Variants in CREB5 observed in about 807,000 individuals in gnomAD.
CREB5 encodes cAMP responsive element binding protein 5, also known as cyclic AMP-responsive element-binding protein 5.
CREB5 carries 19 observed loss-of-function variants against 57.1 expected under a neutral mutation model. That is an observed-to-expected ratio of 0.33 (90% CI 0.23 to 0.49). The LOEUF is 0.49. Among genes scored for constraint, CREB5 ranks in the 20% least tolerant of loss-of-function variants. The probability of loss-of-function intolerance (pLI) is 0.99; values close to 1 mark genes in which losing one functional copy is unlikely to be tolerated. For missense variants in CREB5, 579 were observed against 671.6 expected (o/e 0.86, Z 1.52); for synonymous variants, 238 against 238.3 (o/e 1.00, Z 0.01).
At chr7:28,495,298 G>A (rs540178136) in intron 3 of CREB5, among the ~76,000 whole-genome samples, 1 of 152,224 alleles carries the variant, frequency 6.6e-6, no homozygotes, top group African/African-American at 2.4e-5. Flanking sequence ...AGCAGTTTGG[G>A]AGGCTGAGGT....
chr7:28,416,164 T>C (rs73295193), intron 1 of CREB5, among the ~76,000 whole-genome samples: 3,495 of 152,322 alleles, frequency 0.023, 159 homozygotes, highest in African/African-American at 0.079. Context: ...ACCCACAGGT[T>C]TCCTCTCCAG....
At chr7:28,486,150 T>C (rs184450331) in intron 1 of CREB5, among the ~76,000 whole-genome samples, 1 of 152,156 alleles carries the variant, frequency 6.6e-6, no homozygotes, top group East Asian at 1.9e-4. Context: ...TGAGAAATAG[T>C]GGTTTGAATA....
At chr7:28,536,618 A>C (rs142992322) in intron 4 of CREB5, among the ~76,000 whole-genome samples, 2 of 152,350 alleles carry the variant, frequency 1.3e-5, no homozygotes, top group East Asian at 3.9e-4. Flanking sequence ...TCCAGGCAAG[A>C]GCCGGTCATC....
chr7:28,555,162 C>T lies in CREB5; in HGVS notation c.292-15203C>T, dbSNP rs1029638537. 3.4e-5 allele frequency among the ~76,000 whole-genome samples: 5 copies of T among 145,114 alleles called. No homozygotes were observed. The South Asian group carries it at 1.1e-3, about 32-fold the overall frequency. ...CTTCCTGCATATGGGTTTACCTAAA[C>T]CTTTATCAAACATGGTGGTGTGCAA... On this transcript the variant is annotated intron_variant, in intron 4 of 10. Transcript: ENST00000357727.
intron 4 of CREB5, among the ~76,000 whole-genome samples, chr7:28,542,926 T>G (rs1794262446): frequency 6.6e-6 from 1 of 152,228 alleles, no homozygotes. Flanking sequence ...GTCTCCAAGC[T>G]GCACCCTGAT....
At position 28,524,392 on chromosome 7, in the gene CREB5, C is replaced by G. The variant is rs796921633; in HGVS notation, c.291+16655C>G. On this transcript the variant is annotated intron_variant, in intron 4 of 10. Transcript: ENST00000357727. ...TGTGGTGGCACACATCTAATCCCAC[C>G]TAATCAGGAGGCTGAGGCAGGAGAA... Among the ~76,000 whole-genome samples the G allele has an allele frequency of 6.6e-5, 10 of 151,268 alleles. 1 individual carries two copies. Among genetic ancestry groups the G allele is most frequent in the African/African-American group, 2.4e-4 (10 of 41,256 alleles).
chr7:28,629,952 A>G (rs930464913), intron 5 of CREB5, among the ~76,000 whole-genome samples: 4 of 152,188 alleles, frequency 2.6e-5, no homozygotes, highest in African/African-American at 7.2e-5. Flanking sequence ...TGGACTCTCA[A>G]TGTTGGAAGG....
chr7:28,510,662 C>G (rs1792668304), intron 4 of CREB5, among the ~76,000 whole-genome samples: 1 of 152,218 alleles, frequency 6.6e-6, no homozygotes, highest in African/African-American at 2.4e-5. Context: ...ATCCCAGCAT[C>G]CTTTTCCAGA....
At chr7:28,803,666 G>C (rs1049663851) in intron 7 of CREB5, among the ~76,000 whole-genome samples, 1 of 147,592 alleles carries the variant, frequency 6.8e-6, no homozygotes, top group Non-Finnish European at 1.5e-5. Context: ...CTGAGGCAGA[G>C]AATTGCTTGA....
chr7:28,464,912 C>A (rs1422234947), intron 1 of CREB5, among the ~76,000 whole-genome samples: 1 of 152,040 alleles, frequency 6.6e-6, no homozygotes, highest in African/African-American at 2.4e-5. Context: ...GAGATAAGTT[C>A]TATGTTATTC....
At chr7:28,482,310 G>T (rs138319892) in intron 1 of CREB5, among the ~76,000 whole-genome samples, 20 of 152,336 alleles carry the variant, frequency 1.3e-4, no homozygotes, top group African/African-American at 4.6e-4. Flanking sequence ...AATCGAGAGT[G>T]TGTTTTTGGT....
At chr7:28,598,470 C>T (rs1485939886) in intron 5 of CREB5, among the ~76,000 whole-genome samples, 2 of 152,128 alleles carry the variant, frequency 1.3e-5, no homozygotes, top group Admixed American at 6.6e-5. Context: ...TTAAAGCTGC[C>T]ATCAAGCATC....
intron 1 of CREB5, among the ~76,000 whole-genome samples, chr7:28,375,252 G>A (rs1365055542): frequency 1.3e-5 from 2 of 152,124 alleles, no homozygotes; most frequent in South Asian, 2.1e-4. Context: ...CTTGAAATAA[G>A]CCAGGCACAG....
chr7:28,398,863 T>C (rs1364301848), intron 1 of CREB5, among the ~76,000 whole-genome samples: 1 of 151,952 alleles, frequency 6.6e-6, no homozygotes, highest in Non-Finnish European at 1.5e-5. Flanking sequence ...AGGCATGCAC[T>C]ACCACACCTG....
chr7:28,361,252 A>G (rs879844098), intron 1 of CREB5, among the ~76,000 whole-genome samples: 2 of 152,206 alleles, frequency 1.3e-5, no homozygotes, highest in Non-Finnish European at 2.9e-5. Context: ...TTTCATGCTC[A>G]GTGTTCCCGT....
At chr7:28,721,919 T>C (rs1385265836) in intron 6 of CREB5, among the ~76,000 whole-genome samples, 1 of 152,226 alleles carries the variant, frequency 6.6e-6, no homozygotes, top group Non-Finnish European at 1.5e-5. Flanking sequence ...ATCCTTTACA[T>C]GGCTATTTTA....
At chr7:28,693,525 A>G (rs1238383945) in intron 5 of CREB5, among the ~76,000 whole-genome samples, 1 of 152,268 alleles carries the variant, frequency 6.6e-6, no homozygotes, top group East Asian at 1.9e-4. Context: ...ACTGCTTAAA[A>G]AAAAAAAAAG....
rs1477125869 is a variant in CREB5, at chr7:28,560,903, C to CGTGTGTGTGTGT, written c.292-9461_292-9460insTGTGTGTGTGTG. The stretch of plus-strand genomic sequence containing the variant: ...GCGTGCGTGCGTGTGTGTGCGTGCG[C>CGTGTGTGTGTGT]GCGTGCGTGTGCGTGTGTGCGCGTG... On this transcript the variant is annotated intron_variant, in intron 4 of 10. Coordinates refer to ENST00000357727, the MANE Select transcript of CREB5 (RefSeq NM_182898.4). Among the ~76,000 whole-genome samples, 4 of 26,152 alleles carry CGTGTGTGTGTGT rather than the reference C, an allele frequency of 1.5e-4. 1 individual carries two copies. Among genetic ancestry groups the CGTGTGTGTGTGT allele is most frequent in the Non-Finnish European group, 3.2e-4 (4 of 12,526 alleles). The allele number at this position is 26,152 out of a possible 152,430, so 17.2% of individuals were successfully genotyped here.
At position 28,507,592 on chromosome 7, in the gene CREB5, T is replaced by A. The variant is rs201301576; in HGVS notation, c.170-24T>A. 4.7e-4 allele frequency: 748 copies of A among 1,592,150 alleles called. 3 individuals carry two copies. The South Asian group carries it at 8.0e-3, about 17-fold the overall frequency. ...GCTTTTGAGAAAAAAGACCCATTTA[T>A]GAGCTCTCCGACTCTGTTTTCAGAT... On this transcript the variant is annotated intron_variant, in intron 3 of 10. Transcript: ENST00000357727.
Sources: allele counts gnomAD v4.1 joint callset (sites outside exome capture counted in the v4.1 genomes callset), GRCh38; gene constraint gnomAD v4.1.1; transcripts MANE v1.5; gene names NCBI Gene and HGNC (gene_info 2026-07-23, HGNC 2026-07-21).